The following QTRT1 variants were observed in gnomAD, a reference collection of about 807,000 sequenced individuals.
The protein encoded by QTRT1 is queuine tRNA-ribosyltransferase catalytic subunit 1.
A neutral mutation model predicts 44.0 loss-of-function variants in QTRT1; 41 were observed. The observed-to-expected ratio is 0.93, with a 90% confidence interval of 0.73 to 1.21. QTRT1 has a LOEUF of 1.21. Ranked by LOEUF, QTRT1 falls within the 50% of genes most tolerant of loss-of-function variation. QTRT1 has a pLI of 0.00. For missense variants in QTRT1, 542 were observed against 575.8 expected (o/e 0.94, Z 0.60); for synonymous variants, 226 against 237.1 (o/e 0.95, Z 0.43).
In QTRT1 at chr19:10,707,583, T is replaced by C; in HGVS notation, c.614T>C (p.Leu205Pro). 1 of 1,610,232 alleles carries C rather than the reference T, an allele frequency of 6.2e-7. No individual in the cohort carries two copies. Among genetic ancestry groups the C allele is most frequent in the African/African-American group, 1.3e-5 (1 of 75,002 alleles). Residue 205 changes from leucine (L) to proline (P), a missense_variant, in exon 5 of 10, where the codon CTG becomes CCG. Coordinates refer to ENST00000250237, the MANE Select transcript of QTRT1 (RefSeq NM_031209.3). ...QNLFAIIQGG[L>P]DADLRATCLE... The stretch of plus-strand genomic sequence containing the variant: ...CTCTTCGCCATTATCCAGGGTGGGC[T>C]GGACGCAGATCTCCGGGCCACCTGC...
chr19:10,708,549 A>G lies in QTRT1; in HGVS notation c.646+934A>G, dbSNP rs1021547651. ...CCTGCAGTTTGACAAGCACCGCCCC[A>G]TGGGGTGCTTCTCAAAGTGCTCTGA... On this transcript the variant is annotated intron_variant, in intron 5 of 9. Transcript: ENST00000250237. Among the ~76,000 whole-genome samples, 3 of 152,186 alleles carry G rather than the reference A, an allele frequency of 2.0e-5. No homozygotes were observed. In the East Asian group the frequency reaches 5.8e-4, roughly 29 times the overall value.
rs756815079 is a variant in QTRT1, at chr19:10,712,848, A to C, written c.952A>C (p.Thr318Pro). Reference sequence around the variant, plus strand: ...CTTCGGCCCCATAGACCCGGAGTGCACCTGCCCCACGTGCCAAAAGTAGGC... The same window carrying C: ...CTTCGGCCCCATAGACCCGGAGTGCCCCTGCCCCACGTGCCAAAAGTAGGC... ...KDFGPIDPEC[T>P]CPTCQKHSRA... The change falls in exon 8 of 10, where the codon ACC (threonine) becomes CCC (proline). Residue 318 changes from threonine to proline, a missense_variant. Coordinates refer to ENST00000250237, the MANE Select transcript of QTRT1 (RefSeq NM_031209.3). The surrounding 1 kb of genome is among the most constrained non-coding windows in gnomAD (Gnocchi z 5.6). 17 of 1,613,784 alleles carry C rather than the reference A, an allele frequency of 1.1e-5. No individual in the cohort carries two copies. The African/African-American group carries it at 2.3e-4, about 22-fold the overall frequency.
Position 10,707,553 on chromosome 19 carries a change from A to C in QTRT1, c.584A>C (p.Gln195Pro), listed in dbSNP as rs763349489. 8.1e-6 allele frequency: 13 copies of C among 1,613,026 alleles called. No homozygotes were observed. Among genetic ancestry groups the C allele is most frequent in the Non-Finnish European group, 9.3e-6 (11 of 1,179,658 alleles). Residue 195 changes from glutamine to proline, a missense_variant, in exon 5 of 10, where the codon CAG becomes CCG. Physicochemically the swap from Gln to Pro is moderately conservative, Grantham distance 76. Transcript: ENST00000250237. Reference sequence around the variant, plus strand: ...GCAGCCCATCAGCGGCCGGACAAGCAGAACCTCTTCGCCATTATCCAGGGT... The same window carrying C: ...GCAGCCCATCAGCGGCCGGACAAGCCGAACCTCTTCGCCATTATCCAGGGT... ...CIAAHQRPDK[Q>P]NLFAIIQGGL...
rs2068742962 is a variant in QTRT1, at chr19:10,712,387, G to A, written c.785+88G>A. 3 of 1,531,378 alleles carry A rather than the reference G, an allele frequency of 2.0e-6. No individual in the cohort carries two copies. The highest frequency in any genetic ancestry group is 1.8e-5 in the Admixed American group (1 of 55,286). 94.9% of individuals were successfully genotyped at this position (1,531,378 alleles called of 1,614,324 possible). On this transcript the variant is annotated intron_variant, in intron 6 of 9. Transcript: ENST00000250237. The surrounding 1 kb of genome is among the most constrained non-coding windows in gnomAD (Gnocchi z 5.6). ...ACCCTGCTTGGGGAGGTGGCATTTG[G>A]GGGAAACGGACACAGGTCTGATCTG...
rs1409310295 is a variant in QTRT1 at position 10,713,252 on chromosome 19, G to A, written c.1194G>A (p.Val398=). 6.3e-7 allele frequency: 1 copy of A among 1,593,000 alleles called. No individual in the cohort carries two copies. Among genetic ancestry groups the A allele is most frequent in the East Asian group, 2.2e-5 (1 of 44,708 alleles). Reference sequence around the variant, plus strand: ...GGGCCACTGACGCTCTGGCCTCTGTGGGAATCACACTGGGCTGACCTGGCA... The same window carrying A: ...GGGCCACTGACGCTCTGGCCTCTGTAGGAATCACACTGGGCTGACCTGGCA... ...PTWATDALAS[V]GITLG Residue 398 remains valine (V), a synonymous_variant, in exon 10 of 10, where the codon GTG becomes GTA. Transcript: ENST00000250237. The surrounding 1 kb of genome is among the most constrained non-coding windows in gnomAD (Gnocchi z 4.3).
chr19:10,702,073 C>T (rs1278579940), intron 2 of QTRT1, 43 bp from the exon 3 acceptor site: 1 of 1,614,136 alleles, frequency 6.2e-7, no homozygotes. Context: ...TGAAGGGTCC[C>T]CATCTCCACC....
chr19:10,703,405 C>G (rs7251693), intron 3 of QTRT1, among the ~76,000 whole-genome samples: 7,746 of 152,118 alleles, frequency 0.051, 248 homozygotes, highest in African/African-American at 0.09. Context: ...AACACAGGGT[C>G]AAAACCCCTC....
chr19:10,702,260 A>C lies in QTRT1; in HGVS notation c.451+6A>C. ...GCAGATCCAGAATGCGCTGGGTGAG[A>C]GGACCCTGGGGAGCCGCCTCCTTAC... On this transcript the variant is annotated splice_donor_region_variant and intron_variant, in intron 3 of 9. Coordinates refer to ENST00000250237, the MANE Select transcript of QTRT1 (RefSeq NM_031209.3). 6.2e-7 allele frequency: 1 copy of C among 1,613,372 alleles called. No homozygotes were observed. Among genetic ancestry groups the C allele is most frequent in the Non-Finnish European group, 8.5e-7 (1 of 1,179,594 alleles).
chr19:10,713,249 T>G lies in QTRT1; in HGVS notation c.1191T>G (p.Ser397=), dbSNP rs1485085021. The G allele has an allele frequency of 6.3e-7, 1 of 1,593,876 alleles. No individual in the cohort carries two copies. Among genetic ancestry groups the G allele is most frequent in the Non-Finnish European group, 8.5e-7 (1 of 1,169,996 alleles). Residue 397 remains serine (S), a synonymous_variant, in exon 10 of 10, where the codon TCT becomes TCG. Coordinates refer to ENST00000250237, the MANE Select transcript of QTRT1 (RefSeq NM_031209.3). This position sits in a 1 kb window ranked among gnomAD's most constrained non-coding sequence, Gnocchi z 4.3. ...CCTGGGCCACTGACGCTCTGGCCTCTGTGGGAATCACACTGGGCTGACCTG... is the reference window on the plus strand; with the variant it reads ...CCTGGGCCACTGACGCTCTGGCCTCGGTGGGAATCACACTGGGCTGACCTG... ...CPTWATDALA[S]VGITLG
At chr19:10,704,012 G>T (rs1171438027) in intron 3 of QTRT1, among the ~76,000 whole-genome samples, 4 of 148,396 alleles carry the variant, frequency 2.7e-5, no homozygotes, top group Non-Finnish European at 6.0e-5. Flanking sequence ...CGCCCAGCTA[G>T]TTTTTTGTAT....
rs2068743928 is a variant in QTRT1 at position 10,712,613 on chromosome 19, C to T, written c.846C>T (p.Phe282=). 1 of 1,612,950 alleles carries T rather than the reference C, an allele frequency of 6.2e-7. No homozygotes were observed. Among genetic ancestry groups the T allele is most frequent in the Admixed American group, 1.7e-5 (1 of 59,822 alleles). Residue 282 remains phenylalanine, a synonymous_variant, in exon 7 of 10, where the codon TTC becomes TTT. Coordinates refer to ENST00000250237, the MANE Select transcript of QTRT1 (RefSeq NM_031209.3). This position sits in a 1 kb window ranked among gnomAD's most constrained non-coding sequence, Gnocchi z 5.6. ...GATGTGACATGTTCGACTGCGTCTT[C>T]CCCACACGGACAGCGGTGAGGCTCT... is the stretch of plus-strand genomic sequence containing the variant. ...ALGCDMFDCV[F]PTRTARFGSA... is the part of the protein sequence containing the mutation.
Position 10,713,193 on chromosome 19 carries a change from G to A in QTRT1, c.1135G>A (p.Ala379Thr), listed in dbSNP as rs372871774. The part of the protein sequence containing the change: ...FPDFVRDFMG[A>T]MYGDPTLCPT... ...GGACTTCGTGCGGGACTTCATGGGC[G>A]CCATGTACGGGGATCCCACCCTCTG... The change falls in exon 10 of 10, where the codon GCC becomes ACC. Residue 379 changes from alanine to threonine, a missense_variant. Ala to Thr is a moderately conservative substitution (Grantham distance 58). Coordinates refer to ENST00000250237, the MANE Select transcript of QTRT1 (RefSeq NM_031209.3). The surrounding 1 kb of genome is among the most constrained non-coding windows in gnomAD (Gnocchi z 4.3). 14 of 1,609,200 alleles carry A rather than the reference G, an allele frequency of 8.7e-6. No homozygotes were observed. Among genetic ancestry groups the A allele is most frequent in the African/African-American group, 8.0e-5 (6 of 74,878 alleles).
chr19:10,709,507 T>A (rs2068729231), intron 5 of QTRT1: 1 of 151,926 alleles, frequency 6.6e-6, no homozygotes, highest in African/African-American at 2.4e-5. Context: ...TGGTCAGGAG[T>A]TCGAGACCAG....
intron 3 of QTRT1, among the ~76,000 whole-genome samples, chr19:10,705,841 T>TTC (rs2068711287): frequency 1.8e-5 from 1 of 56,656 alleles, no homozygotes; most frequent in Non-Finnish European, 3.6e-5. Context: ...TGGCCTGTTC[T>TTC]TTTTTTTTTT....
chr19:10,708,042 G>A (rs1416717244), intron 5 of QTRT1, among the ~76,000 whole-genome samples: 7 of 151,344 alleles, frequency 4.6e-5, no homozygotes, highest in African/African-American at 1.7e-4. Context: ...CTGCCTCCCT[G>A]CAACCTCCGC....
At chr19:10,705,074 C>A (rs2068707096) in intron 3 of QTRT1, among the ~76,000 whole-genome samples, 1 of 150,938 alleles carries the variant, frequency 6.6e-6, no homozygotes, top group Admixed American at 6.6e-5. Flanking sequence ...TGCCACCACG[C>A]CTGGTAATTT....
At position 10,702,152 on chromosome 19, in the gene QTRT1, C is replaced by A. The variant is rs139560362; in HGVS notation, c.349C>A (p.Leu117Met). The A allele has an allele frequency of 2.2e-3, 3,485 of 1,614,126 alleles. 5 individuals carry two copies. Among genetic ancestry groups the A allele is most frequent in the Non-Finnish European group, 2.8e-3 (3,246 of 1,180,024 alleles). Residue 117 changes from leucine to methionine, a missense_variant, in exon 3 of 10, where the codon CTG becomes ATG. Physicochemically the swap from Leu to Met is conservative, Grantham distance 15 (BLOSUM62 2). Coordinates refer to ENST00000250237, the MANE Select transcript of QTRT1 (RefSeq NM_031209.3). The part of the protein sequence containing the change: ...GGFQMVSLVS[L>M]SEVTEEGVRF... ...TTTCCAGATGGTGTCGCTGGTGTCT[C>A]TGTCCGAGGTGACGGAGGAGGGCGT...
Position 10,712,844 on chromosome 19 carries a change from G to C in QTRT1, c.948G>C (p.Glu316Asp), listed in dbSNP as rs1196408663. 1 of 1,613,860 alleles carries C rather than the reference G, an allele frequency of 6.2e-7. No individual in the cohort carries two copies. The stretch of plus-strand genomic sequence containing the variant: ...AGGACTTCGGCCCCATAGACCCGGA[G>C]TGCACCTGCCCCACGTGCCAAAAGT... ...FEKDFGPIDP[E>D]CTCPTCQKHS... Residue 316 changes from glutamate to aspartate, a missense_variant, in exon 8 of 10, where the codon GAG becomes GAC. Transcript: ENST00000250237. This position sits in a 1 kb window ranked among gnomAD's most constrained non-coding sequence, Gnocchi z 5.6.
At chr19:10,709,581 C>T (rs1446972426) in intron 5 of QTRT1, among the ~76,000 whole-genome samples, 1 of 152,182 alleles carries the variant, frequency 6.6e-6, no homozygotes, top group Non-Finnish European at 1.5e-5. Context: ...GGCGTGGTGG[C>T]TCGCGCCTGT....
Sources: allele counts gnomAD v4.1 joint callset (sites outside exome capture counted in the v4.1 genomes callset), GRCh38; gene constraint gnomAD v4.1.1; non-coding constraint Gnocchi (gnomAD v3.1); transcripts MANE v1.5; gene names NCBI Gene and HGNC (gene_info 2026-07-23, HGNC 2026-07-21).